CNGB1: variants seen among roughly 807,000 people sequenced by gnomAD.
The protein encoded by CNGB1 is cyclic nucleotide-gated channel beta-1.
CNGB1 carries 126 observed loss-of-function variants against 151.7 expected under a neutral mutation model. The observed-to-expected ratio is 0.83, with a 90% CI of 0.72 to 0.96. CNGB1 has a LOEUF of 0.96. CNGB1 is among the 40% of genes least tolerant of loss of function. CNGB1 has a pLI of 0.00. For missense variants in CNGB1, 1,698 were observed against 1,627.0 expected (o/e 1.04, Z -0.75); for synonymous variants, 623 against 635.1 (o/e 0.98, Z 0.29).
Position 57,960,058 on chromosome 16 carries a change from T to C in CNGB1, c.591A>G (p.Pro197=). The C allele has an allele frequency of 6.4e-7, 1 of 1,554,458 alleles. No individual in the cohort carries two copies. Among genetic ancestry groups the C allele is most frequent in the South Asian group, 1.2e-5 (1 of 85,112 alleles). The change falls in exon 10 of 33, where the codon CCA becomes CCG. Residue 197 remains proline, a synonymous_variant. Transcript: ENST00000251102. Reference sequence around the variant, plus strand: ...TGGGCCCCATTTCCTGGGGGCGTCCTGGAGGCGCTAAGCAGCGGGGAAAGC... The same window carrying C: ...TGGGCCCCATTTCCTGGGGGCGTCCCGGAGGCGCTAAGCAGCGGGGAAAGC... ...ATGAASDPAP[P]GRPQEMGPKL... is the part of the protein sequence containing the mutation.
At chr16:57,927,188 C>T (rs374373992) in intron 17 of CNGB1, among the ~76,000 whole-genome samples, 4 of 152,212 alleles carry the variant, frequency 2.6e-5, no homozygotes, top group Non-Finnish European at 5.9e-5. Flanking sequence ...TCGTCTTACA[C>T]GGGGAAAATG....
At chr16:57,957,415 G>A in intron 11 of CNGB1, 38 bp from the exon 12 acceptor site, 4 of 1,592,862 alleles carry the variant, frequency 2.5e-6, no homozygotes, top group Non-Finnish European at 3.4e-6. Flanking sequence ...TCCTGCCACG[G>A]CCTCTTCACC....
Position 57,883,739 on chromosome 16 carries a change from G to T in CNGB1, c.*425C>A, listed in dbSNP as rs1959819727. The T allele has an allele frequency of 4.1e-6, 1 of 244,150 alleles. No individual in the cohort carries two copies. The allele number at this position is 244,150 out of a possible 1,614,324, so 15.1% of individuals were successfully genotyped here. A position where few individuals can be genotyped will look rare whatever the true frequency, so the allele number is the denominator to read the frequency against. On this transcript the variant is annotated 3_prime_UTR_variant, in exon 33 of 33. Coordinates refer to ENST00000251102, the MANE Select transcript of CNGB1 (RefSeq NM_001297.5). ...CGGCAGTGAAGTATTTTCTATCCTT[G>T]AAATGTGTTAGACAAATTCCTGAGG... is the stretch of plus-strand genomic sequence containing the variant.
intron 3 of CNGB1, 61 bp downstream of exon 3, chr16:57,964,426 T>A (rs1597016340): frequency 6.3e-7 from 1 of 1,595,272 alleles, no homozygotes; most frequent in East Asian, 2.2e-5. Context: ...GCTCTGCGGC[T>A]CCGAGGGGAG....
intron 32 of CNGB1, among the ~76,000 whole-genome samples, chr16:57,885,619 A>C (rs1959909274): frequency 8.7e-6 from 1 of 114,926 alleles, no homozygotes; most frequent in Non-Finnish European, 1.7e-5. Flanking sequence ...TCTTAGACGG[A>C]GTCTTGCTCT....
chr16:57,942,364 A>G (rs1422881454), intron 14 of CNGB1, among the ~76,000 whole-genome samples: 1 of 152,220 alleles, frequency 6.6e-6, no homozygotes, highest in Non-Finnish European at 1.5e-5. Context: ...GTTAGAACTG[A>G]TAAGCCAATT....
At chr16:57,939,970 C>T (rs1373366302) in intron 15 of CNGB1, among the ~76,000 whole-genome samples, 1 of 152,194 alleles carries the variant, frequency 6.6e-6, no homozygotes, top group Non-Finnish European at 1.5e-5. Context: ...GCCACTGGGA[C>T]CCAGAGTGGG....
Position 57,960,851 on chromosome 16 carries a change from TG to T in CNGB1, c.522del (p.Lys175AsnfsTer102). The T allele has an allele frequency of 6.2e-7, 1 of 1,613,780 alleles. No individual in the cohort carries two copies. The highest frequency in any genetic ancestry group is 2.2e-5 in the East Asian group (1 of 44,842). Reference sequence around the variant, plus strand: ...CTTCCTTGGCTCACCTCAGAGGATTTGGGGGGCTGAGGAAGCACTCTTTCCA... The same window carrying T: ...CTTCCTTGGCTCACCTCAGAGGATTTGGGGGCTGAGGAAGCACTCTTTCCA... ...QNLERVLPQP[P>X]KSSEVWRDEP... On this transcript the variant is annotated frameshift_variant, in exon 8 of 33. Transcript: ENST00000251102. LOFTEE classifies it high-confidence loss of function.
chr16:57,954,663 T>C, intron 12 of CNGB1: 3 of 979,822 alleles, frequency 3.1e-6, no homozygotes, highest in African/African-American at 1.7e-5. Flanking sequence ...ATAATATCAA[T>C]GCAATCACAG....
Position 57,923,266 on chromosome 16 carries a change from G to A in CNGB1, c.1643+7C>T, listed in dbSNP as rs1174721591. 3.7e-6 allele frequency: 6 copies of A among 1,603,810 alleles called. No homozygotes were observed. The highest frequency in any genetic ancestry group is 1.3e-5 in the African/African-American group (1 of 74,702). On this transcript the variant is annotated splice_region_variant and intron_variant, in intron 18 of 32. Transcript: ENST00000251102. Reference sequence around the variant, plus strand: ...TTCAATTTTCTGAGACCCCAGAGGGGTCTCACTCAGTGTCCTTCGGGGTGG... The same window carrying A: ...TTCAATTTTCTGAGACCCCAGAGGGATCTCACTCAGTGTCCTTCGGGGTGG...
At chr16:57,963,785 A>C (rs774209267) in intron 4 of CNGB1, 1 of 328,580 alleles carries the variant, frequency 3.0e-6, no homozygotes, top group Non-Finnish European at 5.7e-6. Flanking sequence ...TTTTGGTCAC[A>C]TTGCCCTGCC....
Position 57,887,988 on chromosome 16 carries a change from T to A in CNGB1, c.3329A>T (p.Asn1110Ile). 1 of 1,614,208 alleles carries A rather than the reference T, an allele frequency of 6.2e-7. No individual in the cohort carries two copies. The highest frequency in any genetic ancestry group is 8.5e-7 in the Non-Finnish European group (1 of 1,180,046). Residue 1110 changes from asparagine to isoleucine, a missense_variant, in exon 32 of 33, where the codon AAC (asparagine) becomes ATC (isoleucine). Transcript: ENST00000251102. ...PPRAGTPKLFNAALAMTGKMG... is the reference protein window; with the variant it reads ...PPRAGTPKLFIAALAMTGKMG... ...CTTTCCTGTCATAGCGAGGGCAGCG[T>A]TGAAGAGCTTTGGGGTGCCCGCCCG...
rs535718543 is a variant in CNGB1, at chr16:57,911,938, G to C, written c.2370-63C>G. ...AGGGGGAGGTGAGGTATAGACACCT[G>C]GACAGTGAGAGCCAACCCATGGCTG... is the stretch of plus-strand genomic sequence containing the variant. On this transcript the variant is annotated intron_variant, in intron 24 of 32. Transcript: ENST00000251102. 2.5e-6 allele frequency: 4 copies of C among 1,602,216 alleles called. No homozygotes were observed. In the African/African-American group the frequency reaches 4.0e-5, roughly 16 times the overall value.
At chr16:57,931,394 A>T (rs1961344503) in intron 17 of CNGB1, among the ~76,000 whole-genome samples, 1 of 152,104 alleles carries the variant, frequency 6.6e-6, no homozygotes, top group Admixed American at 6.6e-5. Context: ...GCCTCAAACG[A>T]TCCACCCACC....
At chr16:57,923,916 C>T (rs1366202181) in intron 17 of CNGB1, among the ~76,000 whole-genome samples, 1 of 152,140 alleles carries the variant, frequency 6.6e-6, no homozygotes, top group East Asian at 1.9e-4. Context: ...AGTCCCATCC[C>T]CTCCTGAGCC....
rs1319835493 is a variant in CNGB1 at position 57,884,311 on chromosome 16, G to A, written c.3609C>T (p.Ala1203=). ...CCTCTCCCTCCGGCCTCCCAAGGGA[G>A]GCAGGCGGTGGAGAGCTCGGTGGAG... The part of the protein sequence containing the change: ...PGSPPSSPPP[A]SLGRPEGEEE... Residue 1203 remains alanine (A), a synonymous_variant, in exon 33 of 33, where the codon GCC becomes GCT. Coordinates refer to ENST00000251102, the MANE Select transcript of CNGB1 (RefSeq NM_001297.5). The A allele has an allele frequency of 6.2e-7, 1 of 1,612,618 alleles. No individual in the cohort carries two copies.
chr16:57,944,945 T>C (rs1372257245), intron 14 of CNGB1, among the ~76,000 whole-genome samples: 4 of 124,900 alleles, frequency 3.2e-5, no homozygotes, highest in African/African-American at 1.4e-4. Context: ...AGCGAGACTC[T>C]GTCTTTAAAA....
intron 12 of CNGB1, among the ~76,000 whole-genome samples, chr16:57,956,767 T>C (rs1269294883): frequency 1.3e-5 from 2 of 152,260 alleles, no homozygotes; most frequent in Non-Finnish European, 1.5e-5. Context: ...CATGCCTCTC[T>C]AGAGGCCATG....
chr16:57,916,029 C>T, intron 22 of CNGB1, 100 bp downstream of exon 22: 3 of 1,143,706 alleles, frequency 2.6e-6, no homozygotes, highest in Non-Finnish European at 4.0e-6. Flanking sequence ...CTCCGTGTGG[C>T]AGAAACCACA....
Sources: allele counts gnomAD v4.1 joint callset (sites outside exome capture counted in the v4.1 genomes callset), GRCh38; gene constraint gnomAD v4.1.1; transcripts MANE v1.5; gene names NCBI Gene and HGNC (gene_info 2026-07-23, HGNC 2026-07-21).